The following C10orf90 variants were observed in gnomAD, a reference collection of about 807,000 sequenced individuals.
C10orf90 encodes (E2-independent) E3 ubiquitin-conjugating enzyme FATS.
A neutral mutation model predicts 62.5 loss-of-function variants in C10orf90; 56 were observed. The observed-to-expected ratio is 0.90, with a 90% CI of 0.72 to 1.12. C10orf90 has a LOEUF of 1.12. Ranked by LOEUF, C10orf90 falls within the 50% of genes most tolerant of loss-of-function variation. C10orf90 has a pLI of 0.00. For missense variants in C10orf90, 970 were observed against 880.4 expected (o/e 1.10, Z -1.29); for synonymous variants, 386 against 340.4 (o/e 1.13, Z -1.47).
At chr10:126,649,793 G>A (rs1240348439) in intron 1 of C10orf90, among the ~76,000 whole-genome samples, 1 of 152,172 alleles carries the variant, frequency 6.6e-6, no homozygotes, top group Non-Finnish European at 1.5e-5. Context: ...ACCCAACCAG[G>A]TCTGCCTCCC....
At position 126,665,484 on chromosome 10, in the gene C10orf90, A is replaced by G. The variant is rs147412662; in HGVS notation, c.240+4757T>C. ...TTACAAGACTGAACGGTGTACTCCA[A>G]CCACTGGAAAACATTCATCAAAGCC... On this transcript the variant is annotated intron_variant, in intron 1 of 9. Transcript: ENST00000488181. Among the ~76,000 whole-genome samples, 3 of 152,318 alleles carry G rather than the reference A, an allele frequency of 2.0e-5. No individual in the cohort carries two copies. The East Asian group carries it at 5.8e-4, about 29-fold the overall frequency.
chr10:126,589,420 C>T (rs1008835309), intron 2 of C10orf90, among the ~76,000 whole-genome samples: 1 of 151,918 alleles, frequency 6.6e-6, no homozygotes, highest in East Asian at 1.9e-4. Context: ...TCTCCAATGT[C>T]GAAATGAAAG....
intron 3 of C10orf90, among the ~76,000 whole-genome samples, chr10:126,511,290 A>T (rs566322044): frequency 6.6e-6 from 1 of 152,364 alleles, no homozygotes; most frequent in African/African-American, 2.4e-5. Context: ...TACTGAAAAC[A>T]ACTCACTGCA....
At chr10:126,432,860 C>T (rs1857671959) in intron 7 of C10orf90, among the ~76,000 whole-genome samples, 1 of 152,204 alleles carries the variant, frequency 6.6e-6, no homozygotes, top group African/African-American at 2.4e-5. Context: ...CCCACGTTGG[C>T]CTTTGCAAAC....
chr10:126,635,746 C>T (rs948501579), intron 2 of C10orf90, among the ~76,000 whole-genome samples: 12 of 152,194 alleles, frequency 7.9e-5, no homozygotes, highest in African/African-American at 2.9e-4. Context: ...GGGGTGCTCA[C>T]CGTCCTCCTT....
chr10:126,479,497 G>A (rs149166691), intron 4 of C10orf90, among the ~76,000 whole-genome samples: 13 of 152,272 alleles, frequency 8.5e-5, no homozygotes, highest in Non-Finnish European at 1.6e-4. Flanking sequence ...GCTCCTGGGC[G>A]CTGAGCTCCT....
At position 126,453,168 on chromosome 10, in the gene C10orf90, G is replaced by T. The variant is rs558723311; in HGVS notation, c.2188+5872C>A. 1.3e-5 allele frequency among the ~76,000 whole-genome samples: 2 copies of T among 152,168 alleles called. No individual in the cohort carries two copies. Among genetic ancestry groups the T allele is most frequent in the Admixed American group, 6.5e-5 (1 of 15,274 alleles). On this transcript the variant is annotated intron_variant, in intron 7 of 9. Transcript: ENST00000488181. The surrounding 1 kb of genome is among the most constrained non-coding windows in gnomAD (Gnocchi z 4.9). ...TCCAGAGAATTCCATTCCTCTACTCGTGCATGATTTGAATGGCTCTGACTT... is the reference window on the plus strand; with the variant it reads ...TCCAGAGAATTCCATTCCTCTACTCTTGCATGATTTGAATGGCTCTGACTT...
intron 1 of C10orf90, among the ~76,000 whole-genome samples, chr10:126,649,573 C>T (rs1450011169): frequency 5.3e-5 from 8 of 152,312 alleles, no homozygotes; most frequent in South Asian, 2.1e-4. Flanking sequence ...TGCCCACATG[C>T]GTGTCTCTCC....
chr10:126,544,298 G>A (rs1864440724), intron 2 of C10orf90, among the ~76,000 whole-genome samples: 1 of 152,112 alleles, frequency 6.6e-6, no homozygotes, highest in African/African-American at 2.4e-5. Flanking sequence ...AAAACTATCT[G>A]CTGTACCCTT....
intron 2 of C10orf90, among the ~76,000 whole-genome samples, chr10:126,569,945 C>CT: frequency 6.6e-6 from 1 of 152,004 alleles, no homozygotes; most frequent in East Asian, 1.9e-4. Context: ...AACAATGCTG[C>CT]TTTTTAGCTG....
At chr10:126,536,829 G>A (rs879320295) in intron 2 of C10orf90, among the ~76,000 whole-genome samples, 7 of 152,170 alleles carry the variant, frequency 4.6e-5, no homozygotes, top group African/African-American at 7.2e-5. Context: ...GCTTGATCAC[G>A]TGGACTTTGT....
chr10:126,435,656 G>A (rs906999401), intron 7 of C10orf90, among the ~76,000 whole-genome samples: 1 of 152,276 alleles, frequency 6.6e-6, no homozygotes, highest in African/African-American at 2.4e-5. Flanking sequence ...AGACCTCCAA[G>A]TCAACCATAT....
intron 5 of C10orf90, among the ~76,000 whole-genome samples, chr10:126,461,826 C>T (rs373284505): frequency 6.6e-5 from 10 of 151,988 alleles, no homozygotes; most frequent in Non-Finnish European, 1.5e-4. Context: ...GGAGGTATTC[C>T]GTAGGCTTCT....
At chr10:126,483,809 AAT>A (rs1226790309) in intron 4 of C10orf90, among the ~76,000 whole-genome samples, 1 of 152,070 alleles carries the variant, frequency 6.6e-6, no homozygotes, top group Non-Finnish European at 1.5e-5. Context: ...CTAAACTTCC[AAT>A]ACCATATTCT....
intron 3 of C10orf90, among the ~76,000 whole-genome samples, chr10:126,509,773 G>A (rs1044974804): frequency 3.3e-5 from 5 of 152,268 alleles, no homozygotes; most frequent in Admixed American, 2.6e-4. Flanking sequence ...TCTTGTATGG[G>A]AAGTTCTGTG....
chr10:126,429,897 A>C, intron 7 of C10orf90, 47 bp from the exon 8 acceptor site: 31 of 1,469,328 alleles, frequency 2.1e-5, no homozygotes, highest in Non-Finnish European at 3.0e-5. Context: ...ATAGAATCTC[A>C]CACATTTCTA....
intron 2 of C10orf90, among the ~76,000 whole-genome samples, chr10:126,619,810 T>G (rs1470933675): frequency 1.3e-5 from 2 of 152,160 alleles, no homozygotes; most frequent in African/African-American, 4.8e-5. Flanking sequence ...TAGCTAATCT[T>G]TATATTTTTC....
rs555534494 is a variant in C10orf90, at chr10:126,451,654, CAT to C, written c.2188+7384_2188+7385del. On this transcript the variant is annotated intron_variant, in intron 7 of 9. Coordinates refer to ENST00000488181, the MANE Select transcript of C10orf90 (RefSeq NM_001350921.2). Reference sequence around the variant, plus strand: ...CATATATGTATAATGTATATATACACATATGTGTGTATATATACACACAATTT... The same window carrying C: ...CATATATGTATAATGTATATATACACATGTGTGTATATATACACACAATTT... Among the ~76,000 whole-genome samples, 370 of 151,620 alleles carry C rather than the reference CAT, an allele frequency of 2.4e-3. 1 individual carries two copies. Among genetic ancestry groups the C allele is most frequent in the African/African-American group, 8.7e-3 (359 of 41,314 alleles).
chr10:126,644,046 T>C (rs78081358), intron 2 of C10orf90, among the ~76,000 whole-genome samples: 1 of 152,202 alleles, frequency 6.6e-6, no homozygotes, highest in East Asian at 1.9e-4. Flanking sequence ...CTTGGCCTGT[T>C]TTAAGCCCAG....
Sources: allele counts gnomAD v4.1 joint callset (sites outside exome capture counted in the v4.1 genomes callset), GRCh38; gene constraint gnomAD v4.1.1; non-coding constraint Gnocchi (gnomAD v3.1); transcripts MANE v1.5; gene names NCBI Gene and HGNC (gene_info 2026-07-23, HGNC 2026-07-21).